AKR1C3: variants seen among roughly 807,000 people sequenced by gnomAD.
AKR1C3 encodes the protein 3-alpha hydroxysteroid dehydrogenase, type II.
Under a neutral mutation model 43.6 loss-of-function variants are expected in AKR1C3, and 48 were observed. That is an observed-to-expected ratio of 1.10 (90% CI 0.87 to 1.40). The LOEUF is 1.40. AKR1C3 is among the 40% of genes most tolerant of loss of function. The pLI is 0.00. For synonymous variants in AKR1C3, 162 were observed against 139.6 expected (o/e 1.16, Z -1.13); for missense variants, 482 against 391.2 (o/e 1.23, Z -1.96).
intron 3 of AKR1C3, chr10:5,097,862 C>T (rs1356174665): frequency 8.7e-7 from 1 of 1,143,962 alleles, no homozygotes; most frequent in Non-Finnish European, 1.1e-6. Context: ...TGTTCCCAGA[C>T]ACAGAGTTTC....
At chr10:5,090,937 T>G (rs782258457), upstream of AKR1C3, among the ~76,000 whole-genome samples, 1 of 152,090 alleles carries the variant, frequency 6.6e-6, no homozygotes, top group Non-Finnish European at 1.5e-5. Flanking sequence ...AGTCTCAACA[T>G]TGACCATTGG....
chr10:5,082,901 G>C (rs1430864170), intron 1 of AKR1C3, among the ~76,000 whole-genome samples: 1 of 152,050 alleles, frequency 6.6e-6, no homozygotes, highest in African/African-American at 2.4e-5. Flanking sequence ...GCAGAATTGA[G>C]TTGTGAATCT....
At chr10:5,049,231 TTC>T (rs1189894931) in intron 1 of AKR1C3, among the ~76,000 whole-genome samples, 4 of 152,220 alleles carry the variant, frequency 2.6e-5, no homozygotes, top group African/African-American at 9.6e-5. Context: ...TAGAAGTGGT[TTC>T]TCTGTTTCCT....
In AKR1C3 at chr10:5,106,319, T is replaced by A. The variant is rs2131855088; in HGVS notation, c.929+642T>A. ...TCAAGGCAGAGAATTTAAAAAAATT[T>A]AAAATCAAGGAGTGTGAGTGTGGAG... On this transcript the variant is annotated intron_variant, in intron 8 of 8. Coordinates refer to ENST00000380554, the MANE Select transcript of AKR1C3 (RefSeq NM_003739.6). 2.0e-5 allele frequency among the ~76,000 whole-genome samples: 3 copies of A among 152,286 alleles called. No homozygotes were observed. In the South Asian group the frequency reaches 6.2e-4, roughly 32 times the overall value.
chr10:5,049,044 AAG>A, intron 1 of AKR1C3: 1 of 591,756 alleles, frequency 1.7e-6, no homozygotes, highest in Non-Finnish European at 3.0e-6. Flanking sequence ...TGTATGTACA[AAG>A]AGAAAAAGTC....
In AKR1C3 at chr10:5,102,644, C is replaced by A. The variant is rs781809626; in HGVS notation, c.840C>A (p.Asn280Lys). 6.8e-7 allele frequency: 1 copy of A among 1,468,478 alleles called. No individual in the cohort carries two copies. 91.0% of individuals were successfully genotyped at this position (1,468,478 alleles called of 1,614,324 possible). Residue 280 changes from asparagine to lysine, a missense_variant, in exon 7 of 9, where the codon AAC becomes AAA. Asn to Lys is a moderately conservative substitution (Grantham distance 94). Coordinates refer to ENST00000380554, the MANE Select transcript of AKR1C3 (RefSeq NM_003739.6). ...KSYNEQRIRQ[N>K]VQVFEFQLTA... ...ACAATGAGCAGCGCATCAGACAGAACGTGCAGGTGAGGAGCGGGGCTGTGG... is the reference window on the plus strand; with the variant it reads ...ACAATGAGCAGCGCATCAGACAGAAAGTGCAGGTGAGGAGCGGGGCTGTGG...
At chr10:5,096,276 C>A in intron 1 of AKR1C3, 134 bp from the exon 2 acceptor site, 1 of 1,105,460 alleles carries the variant, frequency 9.0e-7, no homozygotes, top group Non-Finnish European at 1.3e-6. Flanking sequence ...AAGACTCAGG[C>A]AAACTGAGAT....
intron 1 of AKR1C3, among the ~76,000 whole-genome samples, chr10:5,085,353 G>T (rs1838938666): frequency 1.3e-5 from 2 of 151,762 alleles, no homozygotes; most frequent in African/African-American, 4.9e-5. Flanking sequence ...TTTGTCTTTG[G>T]TTCTGTTTAT....
upstream of AKR1C3, among the ~76,000 whole-genome samples, chr10:5,092,331 C>A (rs1588351356): frequency 2.0e-5 from 3 of 152,024 alleles, no homozygotes; most frequent in African/African-American, 7.2e-5. Flanking sequence ...TGTCTGTTGC[C>A]AATTTGAGAA....
At chr10:5,092,766 C>T (rs1471297827), upstream of AKR1C3, among the ~76,000 whole-genome samples, 2 of 151,954 alleles carry the variant, frequency 1.3e-5, no homozygotes, top group East Asian at 3.9e-4. Context: ...TGTTTTAAAA[C>T]CTTTCTCTAC....
chr10:5,092,983 T>G (rs1839127939), upstream of AKR1C3, among the ~76,000 whole-genome samples: 1 of 152,128 alleles, frequency 6.6e-6, no homozygotes, highest in South Asian at 2.1e-4. Context: ...AGTCTTAGCA[T>G]AAGCCCAACA....
At position 5,097,294 on chromosome 10, in the gene AKR1C3, C is replaced by A. The variant is rs540046883; in HGVS notation, c.253-140C>A. ...AAGGATAGGTCAGAGCCAAAGGAAT[C>A]ATGAGAAGGAAGAGAATATGTTTGC... On this transcript the variant is annotated intron_variant, in intron 2 of 8. Transcript: ENST00000380554. 65 of 1,020,404 alleles carry A rather than the reference C, an allele frequency of 6.4e-5. No individual in the cohort carries two copies. The South Asian group carries it at 9.8e-4, about 15-fold the overall frequency. 63.2% of individuals were successfully genotyped at this position (1,020,404 alleles called of 1,614,324 possible).
At chr10:5,058,079 G>T (rs1838301715) in intron 1 of AKR1C3, among the ~76,000 whole-genome samples, 1 of 152,110 alleles carries the variant, frequency 6.6e-6, no homozygotes, top group Admixed American at 6.5e-5. Flanking sequence ...CAATAGCCCG[G>T]GGGGTTTTGT....
In AKR1C3 at chr10:5,097,452, C is replaced by T. The variant is rs118150330; in HGVS notation, c.271C>T (p.Arg91Ter). 6.1e-4 allele frequency: 989 copies of T among 1,613,554 alleles called. No individual in the cohort carries two copies. Among genetic ancestry groups the T allele is most frequent in the Non-Finnish European group, 7.5e-4 (887 of 1,179,732 alleles). Residue 91 changes from arginine (R) to a stop codon, truncating the protein, a stop_gained, in exon 3 of 9, where the codon CGA becomes TGA. Transcript: ENST00000380554. LOFTEE classifies it high-confidence loss of function. ...YTSKLWSTFH[R>*]PELVRPALEN... ...TCTGCAGCTTTGGTCCACTTTTCAT[C>T]GACCAGAGTTGGTCCGACCAGCCTT... is the stretch of plus-strand genomic sequence containing the variant.
intron 1 of AKR1C3, among the ~76,000 whole-genome samples, chr10:5,064,994 A>G (rs1838469060): frequency 6.6e-6 from 1 of 152,066 alleles, no homozygotes; most frequent in African/African-American, 2.4e-5. Flanking sequence ...CTTGTGGCAA[A>G]CAAGCATATG....
chr10:5,098,138 A>C, intron 3 of AKR1C3: 1 of 986,406 alleles, frequency 1.0e-6, no homozygotes, highest in Non-Finnish European at 1.2e-6. Flanking sequence ...AGGCTAGTTA[A>C]TGCAAAAGAG....
intron 5 of AKR1C3, chr10:5,099,701 G>T (rs1938732787): frequency 3.6e-6 from 2 of 548,336 alleles, no homozygotes; most frequent in Admixed American, 3.4e-5. Context: ...GATCAGGGAG[G>T]CCTGGAATCA....
rs1223511611 is a variant in AKR1C3, at chr10:5,096,408, A to G, written c.85-2A>G. 2 of 1,612,510 alleles carry G rather than the reference A, an allele frequency of 1.2e-6. No individual in the cohort carries two copies. Among genetic ancestry groups the G allele is most frequent in the Non-Finnish European group, 1.7e-6 (2 of 1,179,034 alleles). ...AGATACTACCTTTGGTTGCTCCTCC[A>G]GGTTCCGAGAAGTAAAGCTTTGGAG... On this transcript the variant is annotated splice_acceptor_variant, in intron 1 of 8. Coordinates refer to ENST00000380554, the MANE Select transcript of AKR1C3 (RefSeq NM_003739.6). LOFTEE classifies it high-confidence loss of function.
intron 6 of AKR1C3, 94 bp from the exon 7 acceptor site, chr10:5,102,391 T>A (rs1398290487): frequency 6.4e-7 from 1 of 1,566,728 alleles, no homozygotes; most frequent in African/African-American, 1.4e-5. Flanking sequence ...CTTGAGAAGC[T>A]CCGGTGCAGA....
Sources: gnomAD v4.1 joint callset for allele counts (sites outside exome capture counted in the v4.1 genomes callset) on GRCh38, gnomAD v4.1.1 for gene constraint, MANE v1.5 for transcripts, NCBI Gene and HGNC (gene_info 2026-07-23, HGNC 2026-07-21) for gene names.